BLTP1: variants seen among roughly 807,000 people sequenced by gnomAD.
BLTP1 encodes the protein bridge-like lipid transfer protein family member 1.
At chr4:122,163,003 G>GACA in the BLTP1 span, among the ~76,000 whole-genome samples, 1 of 152,110 alleles carries the variant, frequency 6.6e-6, no homozygotes, top group Non-Finnish European at 1.5e-5. Flanking sequence ...ATTAAATATT[G>GACA]TGCGCCTTCA....
At chr4:122,318,338 C>A in the BLTP1 span, 1 of 1,238,484 alleles carries the variant, frequency 8.1e-7, no homozygotes, top group Non-Finnish European at 1.2e-6. Flanking sequence ...ATATCTACTG[C>A]GTACCAGGTA....
At chr4:122,217,593 T>C in the BLTP1 span, among the ~76,000 whole-genome samples, 1 of 152,194 alleles carries the variant, frequency 6.6e-6, no homozygotes, top group East Asian at 1.9e-4. Flanking sequence ...ATTATCTTTT[T>C]GATATGCTCT....
chr4:122,201,014 C>T, the BLTP1 span: 3 of 1,611,302 alleles, frequency 1.9e-6, no homozygotes, highest in Non-Finnish European at 2.5e-6. Context: ...TGCAGTTCCA[C>T]ATCAATGCCA....
the BLTP1 span, chr4:122,343,485 G>C: frequency 2.7e-5 from 43 of 1,613,958 alleles, no homozygotes; most frequent in Non-Finnish European, 3.6e-5. Flanking sequence ...AGTTCCAGCA[G>C]TAGTTCATCT....
At chr4:122,239,379 T>C in the BLTP1 span, 20 of 796,820 alleles carry the variant, frequency 2.5e-5, no homozygotes, top group Non-Finnish European at 5.6e-6. Flanking sequence ...TTGGGTATTT[T>C]ATTATAAAAT....
chr4:122,321,647 T>A, the BLTP1 span, among the ~76,000 whole-genome samples: 1 of 152,154 alleles, frequency 6.6e-6, no homozygotes, highest in South Asian at 2.1e-4. Context: ...GATAAAGGTT[T>A]TACCTTCATT....
the BLTP1 span, among the ~76,000 whole-genome samples, chr4:122,160,925 GT>G: frequency 1.3e-5 from 2 of 152,160 alleles, no homozygotes; most frequent in African/African-American, 4.8e-5. Context: ...CCAGTTAAAG[GT>G]TTTCAAGTTA....
the BLTP1 span, among the ~76,000 whole-genome samples, chr4:122,314,651 A>C: frequency 2.6e-5 from 4 of 152,106 alleles, no homozygotes; most frequent in African/African-American, 9.7e-5. Context: ...TTCCTCCCCA[A>C]GCCTAGCCTT....
chr4:122,281,232 A>C, the BLTP1 span: 1 of 846,798 alleles, frequency 1.2e-6, no homozygotes, highest in Non-Finnish European at 1.4e-6. Context: ...GTAATAGTTA[A>C]GTGATAGAAT....
the BLTP1 span, among the ~76,000 whole-genome samples, chr4:122,308,676 G>T: frequency 6.6e-6 from 1 of 151,936 alleles, no homozygotes; most frequent in East Asian, 1.9e-4. Context: ...CAATTTTCAG[G>T]AATATGTAAC....
the BLTP1 span, chr4:122,169,676 TAC>T: frequency 4.2e-6 from 4 of 963,302 alleles, no homozygotes; most frequent in Admixed American, 6.2e-5. Flanking sequence ...TATATACATA[TAC>T]ACACATATCT....
At chr4:122,356,187 A>G in the BLTP1 span, among the ~76,000 whole-genome samples, 1 of 152,164 alleles carries the variant, frequency 6.6e-6, no homozygotes, top group East Asian at 1.9e-4. Context: ...CCTCAGTAAA[A>G]TGAAGAAGAA....
the BLTP1 span, chr4:122,174,642 A>C: frequency 6.3e-7 from 1 of 1,597,698 alleles, no homozygotes; most frequent in East Asian, 2.2e-5. Context: ...TACAGAAGAC[A>C]TGTCTATTAG....
At chr4:122,354,495 T>C in the BLTP1 span, among the ~76,000 whole-genome samples, 1 of 151,120 alleles carries the variant, frequency 6.6e-6, no homozygotes, top group Non-Finnish European at 1.5e-5. Context: ...TTTCATTTGA[T>C]TAGATACAAC....
At chr4:122,249,735 T>C in the BLTP1 span, 6 of 1,597,460 alleles carry the variant, frequency 3.8e-6, no homozygotes, top group African/African-American at 2.7e-5. Flanking sequence ...ATGTCCTATA[T>C]TGCAGAAATG....
chr4:122,257,422 A>G, the BLTP1 span: 1 of 1,614,040 alleles, frequency 6.2e-7, no homozygotes. Context: ...ATGAAGATGG[A>G]CTTGGATTGG....
the BLTP1 span, among the ~76,000 whole-genome samples, chr4:122,163,505 G>A: frequency 6.6e-6 from 1 of 152,208 alleles, no homozygotes; most frequent in African/African-American, 2.4e-5. Flanking sequence ...TGTTCATAAT[G>A]AGCAGGTTTC....
the BLTP1 span, among the ~76,000 whole-genome samples, chr4:122,337,790 A>G: frequency 6.7e-6 from 1 of 150,294 alleles, no homozygotes; most frequent in Non-Finnish European, 1.5e-5. Flanking sequence ...TTATTCTAAA[A>G]TGCAGTCCTA....
At chr4:122,269,399 CTTT>C in the BLTP1 span, 8 of 985,124 alleles carry the variant, frequency 8.1e-6, no homozygotes, top group African/African-American at 1.0e-4. Context: ...GTGAGAGCTT[CTTT>C]GAGTGATTCT....
Sources: allele counts gnomAD v4.1 joint callset (sites outside exome capture counted in the v4.1 genomes callset), GRCh38; gene constraint gnomAD v4.1.1; transcripts MANE v1.5; gene names NCBI Gene and HGNC (gene_info 2026-07-23, HGNC 2026-07-21).